B4GALT1: variants seen among roughly 807,000 people sequenced by gnomAD.
B4GALT1 encodes N-acetyllactosamine synthase.
A neutral mutation model predicts 34.9 loss-of-function variants in B4GALT1; 16 were observed. The ratio of observed to expected loss-of-function variants is 0.46; its 90% CI spans 0.31 to 0.70. The LOEUF (loss-of-function observed/expected upper bound fraction) is 0.70, where lower values mean the gene tolerates loss of function less well. Ranked by LOEUF, B4GALT1 falls within the 30% of genes least tolerant of loss-of-function variation. The probability of loss-of-function intolerance (pLI) is 0.05; values close to 1 mark genes in which losing one functional copy is unlikely to be tolerated. For missense variants in B4GALT1, 445 were observed against 530.5 expected, an observed-to-expected ratio of 0.84 and a Z score of 1.58; for synonymous variants, 221 against 218.1, an observed-to-expected ratio of 1.01 and a Z score of -0.12.
intron 2 of B4GALT1, 40 bp downstream of exon 2, chr9:33,135,149 G>A (rs751676255): frequency 1.3e-6 from 2 of 1,558,734 alleles, no homozygotes; most frequent in East Asian, 2.2e-5. Context: ...ACATCTGCAT[G>A]CACACACACC....
the B4GALT1 span, among the ~76,000 whole-genome samples, chr9:33,183,314 G>T: frequency 6.6e-6 from 1 of 151,536 alleles, no homozygotes; most frequent in Non-Finnish European, 1.5e-5. Flanking sequence ...AAATCATGCT[G>T]CTATAAAGAC....
intron 2 of B4GALT1, among the ~76,000 whole-genome samples, chr9:33,125,776 C>T (rs1484822951): frequency 1.4e-4 from 22 of 152,322 alleles, no homozygotes; most frequent in Non-Finnish European, 2.9e-5. Flanking sequence ...TGACCAACTA[C>T]AGAAAGCCAA....
chr9:33,126,794 C>A (rs953817934), intron 2 of B4GALT1, among the ~76,000 whole-genome samples: 3 of 152,122 alleles, frequency 2.0e-5, no homozygotes, highest in African/African-American at 4.8e-5. Flanking sequence ...ACCAAAGACA[C>A]CACTCTCAAG....
chr9:33,150,606 A>T (rs76433813), intron 1 of B4GALT1, among the ~76,000 whole-genome samples: 2 of 152,326 alleles, frequency 1.3e-5, no homozygotes, highest in Admixed American at 6.5e-5. Flanking sequence ...ATGTGACTAC[A>T]AGAGGGATTT....
At chr9:33,150,140 T>TATATACACACATACACACACACAC (rs1434236572) in intron 1 of B4GALT1, among the ~76,000 whole-genome samples, 2 of 52,798 alleles carry the variant, frequency 3.8e-5, no homozygotes, top group Non-Finnish European at 7.2e-5. Flanking sequence ...TAGATATAGA[T>TATATACACACATACACACACACAC]ATAGATATAT....
At chr9:33,106,757 G>C (rs1380398420), downstream of B4GALT1, among the ~76,000 whole-genome samples, 1 of 152,178 alleles carries the variant, frequency 6.6e-6, no homozygotes, top group Non-Finnish European at 1.5e-5. Context: ...CTTCCCTCAA[G>C]AAGACAGAGA....
chr9:33,159,762 C>T (rs1840648173), intron 1 of B4GALT1, among the ~76,000 whole-genome samples: 1 of 152,228 alleles, frequency 6.6e-6, no homozygotes, highest in African/African-American at 2.4e-5. Context: ...CTTGCTCCCA[C>T]CTTCCTGTGC....
the B4GALT1 span, among the ~76,000 whole-genome samples, chr9:33,174,990 A>AATATATATATATATATATAT: frequency 3.5e-3 from 17 of 4,806 alleles, no homozygotes; most frequent in Non-Finnish European, 5.0e-3. Context: ...AAAAAAAAAA[A>AATATATATATATATATATAT]ATATATATAT....
At chr9:33,176,408 G>A in the B4GALT1 span, among the ~76,000 whole-genome samples, 11 of 152,166 alleles carry the variant, frequency 7.2e-5, no homozygotes, top group East Asian at 2.1e-3. Context: ...CCTTTAGGCT[G>A]TGAATTACAG....
chr9:33,121,012 T>C (rs1840013505), intron 2 of B4GALT1, among the ~76,000 whole-genome samples: 1 of 152,254 alleles, frequency 6.6e-6, no homozygotes, highest in South Asian at 2.1e-4. Flanking sequence ...CATTTATTTA[T>C]ACACACTATA....
the B4GALT1 span, among the ~76,000 whole-genome samples, chr9:33,184,370 T>C: frequency 6.6e-6 from 1 of 151,818 alleles, no homozygotes; most frequent in African/African-American, 2.4e-5. Flanking sequence ...TACCCAAGGA[T>C]AAGGGTGGAC....
At chr9:33,123,277 C>CAAAAAAAAAA (rs72342632) in intron 2 of B4GALT1, among the ~76,000 whole-genome samples, 1 of 85,708 alleles carries the variant, frequency 1.2e-5, no homozygotes, top group Non-Finnish European at 2.0e-5. Flanking sequence ...GACACTGTCT[C>CAAAAAAAAAA]AAAAAAAAAA....
chr9:33,166,987 C>G lies in B4GALT1; in HGVS notation c.183G>C (p.Gln61His), dbSNP rs959064688. The change falls in exon 1 of 6, where the codon CAG (glutamine) becomes CAC (histidine). Residue 61 changes from glutamine (Q) to histidine (H), a missense_variant. Physicochemically the swap from Gln to His is conservative, Grantham distance 24. Coordinates refer to ENST00000379731, the MANE Select transcript of B4GALT1 (RefSeq NM_001497.4). ...TGGCGGCGGCACTGTTCGAGCCGCC[C>G]TGCAGCGGTGTGGAGACTCCGACCA... is the stretch of plus-strand genomic sequence containing the variant. ...PQLVGVSTPL[Q>H]GGSNSAAAIG... The G allele has an allele frequency of 6.3e-7, 1 of 1,590,310 alleles. No individual in the cohort carries two copies. Among genetic ancestry groups the G allele is most frequent in the African/African-American group, 1.3e-5 (1 of 74,782 alleles).
chr9:33,134,711 G>A (rs990295208), intron 2 of B4GALT1, among the ~76,000 whole-genome samples: 15 of 152,308 alleles, frequency 9.8e-5, no homozygotes, highest in Admixed American at 2.6e-4. Context: ...TTCACCAGGG[G>A]CTGGCATGTA....
At chr9:33,118,439 T>A (rs1409047723) in intron 3 of B4GALT1, among the ~76,000 whole-genome samples, 2 of 152,050 alleles carry the variant, frequency 1.3e-5, no homozygotes, top group African/African-American at 4.8e-5. Flanking sequence ...GCAGGAGGAT[T>A]GCTTGAGCCC....
In B4GALT1 at chr9:33,141,203, A is replaced by C. The variant is rs1180115723; in HGVS notation, c.413-5779T>G. Among the ~76,000 whole-genome samples the C allele has an allele frequency of 2.0e-5, 3 of 152,224 alleles. No homozygotes were observed. The South Asian group carries it at 6.2e-4, about 32-fold the overall frequency. On this transcript the variant is annotated intron_variant, in intron 1 of 5. Coordinates refer to ENST00000379731, the MANE Select transcript of B4GALT1 (RefSeq NM_001497.4). ...AGGGGAGTGGGCGGCAGGGTGAGCA[A>C]GTAAAGAAGAGGTCTTTGAGGCTGG...
chr9:33,172,603 A>G, the B4GALT1 span, among the ~76,000 whole-genome samples: 2 of 152,248 alleles, frequency 1.3e-5, no homozygotes, highest in Non-Finnish European at 2.9e-5. Context: ...ACTCTTTGGG[A>G]CACAGTTTCA....
chr9:33,179,663 T>C, the B4GALT1 span: 1 of 152,254 alleles, frequency 6.6e-6, no homozygotes, highest in South Asian at 2.1e-4. Context: ...AATTTTGATC[T>C]TTTCCAGGCT....
intron 2 of B4GALT1, among the ~76,000 whole-genome samples, chr9:33,128,864 C>T (rs1356885860): frequency 6.6e-6 from 1 of 152,200 alleles, no homozygotes; most frequent in Non-Finnish European, 1.5e-5. Flanking sequence ...GTGTAGGAAC[C>T]AGCTGCTTGG....
Sources: gnomAD v4.1 joint callset for allele counts (sites outside exome capture counted in the v4.1 genomes callset) on GRCh38, gnomAD v4.1.1 for gene constraint, MANE v1.5 for transcripts, NCBI Gene and HGNC (gene_info 2026-07-23, HGNC 2026-07-21) for gene names.